Variants in PRODH2 observed in about 807,000 individuals in gnomAD.
PRODH2 encodes proline dehydrogenase 2, also known as hydroxyproline dehydrogenase.
A neutral mutation model predicts 51.9 loss-of-function variants in PRODH2; 49 were observed. That is an observed-to-expected ratio of 0.94 (90% CI 0.75 to 1.20). The LOEUF (loss-of-function observed/expected upper bound fraction) is 1.20, where lower values mean the gene tolerates loss of function less well. PRODH2 is among the 50% of genes most tolerant of loss of function. The pLI is 0.00. For synonymous variants in PRODH2, 249 were observed against 260.7 expected (o/e 0.96, Z 0.43); for missense variants, 597 against 610.9 (o/e 0.98, Z 0.24).
At chr19:35,809,958 C>CTT (rs1972576814) in intron 4 of PRODH2, among the ~76,000 whole-genome samples, 1 of 12,822 alleles carries the variant, frequency 7.8e-5, no homozygotes, top group African/African-American at 3.7e-4. Flanking sequence ...GATGCCGCTT[C>CTT]AAAAAAAAAA....
intron 4 of PRODH2, among the ~76,000 whole-genome samples, chr19:35,811,233 T>C (rs539165019): frequency 6.6e-6 from 1 of 151,664 alleles, no homozygotes; most frequent in South Asian, 2.1e-4. Context: ...CAAAACAAAA[T>C]CATAGAAACA....
chr19:35,803,147 G>C, intron 7 of PRODH2, 69 bp from the exon 8 acceptor site: 2 of 1,167,454 alleles, frequency 1.7e-6, no homozygotes, highest in Non-Finnish European at 1.2e-6. Flanking sequence ...GGGGTGGGTG[G>C]GGTGCTCCTA....
At chr19:35,805,291 G>C (rs1215529767) in intron 7 of PRODH2, among the ~76,000 whole-genome samples, 1 of 151,910 alleles carries the variant, frequency 6.6e-6, no homozygotes, top group Admixed American at 6.6e-5. Context: ...TTTTGAGATG[G>C]AGTCTCACTC....
intron 4 of PRODH2, among the ~76,000 whole-genome samples, chr19:35,810,747 C>G (rs966044017): frequency 1.3e-5 from 2 of 152,122 alleles, no homozygotes; most frequent in Non-Finnish European, 2.9e-5. Flanking sequence ...TCTTGAACTC[C>G]TGACCTCCAG....
At chr19:35,800,248 T>C (rs537546742) in intron 9 of PRODH2, 26 bp from the exon 10 acceptor site, 2 of 1,518,870 alleles carry the variant, frequency 1.3e-6, no homozygotes, top group Admixed American at 2.2e-5. Flanking sequence ...GTTTTGTTTT[T>C]TCGTTTTTGG....
rs1179996864 is a variant in PRODH2, at chr19:35,807,124, AGGGGGC to A, written c.598-9_598-4del. On this transcript the variant is annotated splice_region_variant and splice_polypyrimidine_tract_variant and intron_variant, in intron 4 of 9. Coordinates refer to ENST00000653904, the MANE Select transcript of PRODH2 (RefSeq NM_021232.2). Reference sequence around the variant, plus strand: ...TTGAGGCAGGAGACCTGGAGGTTCTAGGGGGCAGCAGGGGAAGTGGGGAAAAGCTTA... The same window carrying A: ...TTGAGGCAGGAGACCTGGAGGTTCTAAGCAGGGGAAGTGGGGAAAAGCTTA... 6.5e-7 allele frequency: 1 copy of A among 1,546,854 alleles called. No homozygotes were observed. The highest frequency in any genetic ancestry group is 2.0e-5 in the Admixed American group (1 of 50,986).
rs1203876268 is a variant in PRODH2, at chr19:35,806,481, A to G, written c.950T>C (p.Leu317Pro). The change falls in exon 7 of 10, where the codon CTC (leucine) becomes CCC (proline). Residue 317 changes from leucine to proline, a missense_variant. Leu to Pro is a moderately conservative substitution (Grantham distance 98). Transcript: ENST00000653904. ...CTGAGTGGGGTCTTCCATCCCATGG[A>G]GCTGGGCCACCGCTCTCTCCTTGTC... ...YLDKERAVAQ[L>P]HGMEDPTQPD... is the part of the protein sequence containing the mutation. 1 of 1,613,972 alleles carries G rather than the reference A, an allele frequency of 6.2e-7. No individual in the cohort carries two copies. The highest frequency in any genetic ancestry group is 1.1e-5 in the South Asian group (1 of 91,056).
At chr19:35,810,867 T>G (rs1187697039) in intron 4 of PRODH2, among the ~76,000 whole-genome samples, 1 of 152,182 alleles carries the variant, frequency 6.6e-6, no homozygotes, top group Admixed American at 6.5e-5. Flanking sequence ...GTGTGTGTAT[T>G]GGTTAAGGTT....
intron 7 of PRODH2, among the ~76,000 whole-genome samples, chr19:35,805,699 T>C (rs1386777542): frequency 6.6e-6 from 1 of 152,238 alleles, no homozygotes; most frequent in African/African-American, 2.4e-5. Flanking sequence ...TGCACACCAC[T>C]GTGCCTGGCT....
chr19:35,802,327 T>TA, intron 8 of PRODH2, 51 bp from the exon 9 acceptor site: 6 of 1,549,988 alleles, frequency 3.9e-6, no homozygotes, highest in Non-Finnish European at 5.3e-6. Context: ...ATCTACAGCT[T>TA]AAAGTCAGCC....
rs755999165 is a variant in PRODH2, at chr19:35,812,728, G to T, written c.78C>A (p.Gly26=). Reference sequence around the variant, plus strand: ...CTGTGCCCTTAAGGTGGAAGGCCCCGCCATCAAAGCTCAGGGACTGCCAGC... The same window carrying T: ...CTGTGCCCTTAAGGTGGAAGGCCCCTCCATCAAAGCTCAGGGACTGCCAGC... ...SRGWQSLSFD[G]GAFHLKGTGE... The change falls in exon 1 of 10, where the codon GGC becomes GGA. Residue 26 remains glycine (G), a synonymous_variant. Transcript: ENST00000653904. The T allele has an allele frequency of 6.2e-7, 1 of 1,611,506 alleles. No homozygotes were observed. Among genetic ancestry groups the T allele is most frequent in the Non-Finnish European group, 8.5e-7 (1 of 1,178,364 alleles).
At chr19:35,811,937 C>A in intron 4 of PRODH2, 25 bp downstream of exon 4, 3 of 1,610,496 alleles carry the variant, frequency 1.9e-6, no homozygotes, top group South Asian at 2.2e-5. Context: ...ACTCTGTCCC[C>A]GACAGTCCCG....
In PRODH2 at chr19:35,803,031, C is replaced by T; in HGVS notation, c.1049G>A (p.Gly350Asp). 6.4e-7 allele frequency: 1 copy of T among 1,572,392 alleles called. No individual in the cohort carries two copies. The highest frequency in any genetic ancestry group is 1.2e-5 in the South Asian group (1 of 85,532). Residue 350 changes from glycine to aspartate, a missense_variant, in exon 8 of 10, where the codon GGC becomes GAC. Physicochemically the swap from Gly to Asp is moderately conservative, Grantham distance 94. Transcript: ENST00000653904. ...ELMLTHVARH[G>D]PMCHLMVASH... ...AGCCACCATGAGGTGGCACATGGGG[C>T]CATGGCGGGCCACGTGCGTCAGCAT...
chr19:35,802,218 T>G lies in PRODH2; in HGVS notation c.1171A>C (p.Met391Leu). Residue 391 changes from methionine (M) to leucine (L), a missense_variant, in exon 9 of 10, where the codon ATG (methionine) becomes CTG (leucine). Met to Leu is a conservative substitution (Grantham distance 15). Transcript: ENST00000653904. ...GTVCFGQLLG[M>L]CDHVSLALGQ... ...AGTGCTAGAGAGACGTGGTCACACA[T>G]GCCCAGAAGTTGTCCGAAACAGACA... The G allele has an allele frequency of 6.2e-7, 1 of 1,614,134 alleles. No individual in the cohort carries two copies. The highest frequency in any genetic ancestry group is 8.5e-7 in the Non-Finnish European group (1 of 1,180,034).
chr19:35,812,431 C>T lies in PRODH2; in HGVS notation c.300G>A (p.Leu100=). The change falls in exon 2 of 10, where the codon CTG becomes CTA. Residue 100 remains leucine (L), a synonymous_variant. Transcript: ENST00000653904. ...GCAGTGGTCGGAGGCTGAGGGTCCG[C>T]AGCTGCTGCACGCAGCCCTTCACCT... ...AEEVKGCVQQ[L]RTLSLRPLLA... 7 of 1,614,252 alleles carry T rather than the reference C, an allele frequency of 4.3e-6. No individual in the cohort carries two copies. The highest frequency in any genetic ancestry group is 5.9e-6 in the Non-Finnish European group (7 of 1,180,046).
chr19:35,804,691 C>T (rs1972483850), intron 7 of PRODH2, among the ~76,000 whole-genome samples: 1 of 152,230 alleles, frequency 6.6e-6, no homozygotes, highest in South Asian at 2.1e-4. Flanking sequence ...AATCCCAGCA[C>T]TTGGGGAGGC....
intron 9 of PRODH2, among the ~76,000 whole-genome samples, chr19:35,800,689 G>A (rs1471965448): frequency 6.6e-6 from 1 of 151,080 alleles, no homozygotes; most frequent in Non-Finnish European, 1.5e-5. Context: ...AAGTCCTGGA[G>A]CAAACTTTTT....
At chr19:35,808,789 T>TTCCC (rs1568442518) in intron 4 of PRODH2, among the ~76,000 whole-genome samples, 3 of 130,902 alleles carry the variant, frequency 2.3e-5, no homozygotes, top group East Asian at 5.2e-4. Flanking sequence ...CCCTCCCTCC[T>TTCCC]TCCCTCCCTT....
chr19:35,800,878 A>G (rs542565067), intron 9 of PRODH2, among the ~76,000 whole-genome samples: 1 of 151,932 alleles, frequency 6.6e-6, no homozygotes, highest in South Asian at 2.1e-4. Flanking sequence ...ATTTTATCTC[A>G]ATTGATTAAT....
Sources: allele counts gnomAD v4.1 joint callset (sites outside exome capture counted in the v4.1 genomes callset), GRCh38; gene constraint gnomAD v4.1.1; transcripts MANE v1.5; gene names NCBI Gene and HGNC (gene_info 2026-07-23, HGNC 2026-07-21).